ATP6V1A: variants seen among roughly 807,000 people sequenced by gnomAD.
ATP6V1A encodes ATPase H+ transporting V1 subunit A.
In ATP6V1A, 18 loss-of-function variants were observed where a neutral mutation model predicts 70.1. The observed-to-expected ratio is 0.26, with a 90% CI of 0.18 to 0.38. The LOEUF (loss-of-function observed/expected upper bound fraction) is 0.38. Among genes scored for constraint, ATP6V1A ranks in the 10% least tolerant of loss-of-function variants. The pLI, the probability that ATP6V1A is intolerant of heterozygous loss-of-function variation, is 1.00. For missense variants in ATP6V1A, 424 were observed against 772.4 expected, an observed-to-expected ratio of 0.55 and a Z score of 5.35; for synonymous variants, 232 against 253.8, an observed-to-expected ratio of 0.91 and a Z score of 0.82.
intron 1 of ATP6V1A, among the ~76,000 whole-genome samples, chr3:113,761,370 GA>G (rs1178523159): frequency 6.6e-6 from 1 of 151,108 alleles, no homozygotes; most frequent in Non-Finnish European, 1.5e-5. Flanking sequence ...AGCTGCTCAT[GA>G]TTTTTTTTTT....
At chr3:113,785,648 A>G (rs1709030765) in intron 5 of ATP6V1A, among the ~76,000 whole-genome samples, 1 of 149,230 alleles carries the variant, frequency 6.7e-6, no homozygotes, top group African/African-American at 2.5e-5. Context: ...ACCTGGGACC[A>G]CGGGCACATG....
At chr3:113,784,082 C>T (rs1394829423) in intron 3 of ATP6V1A, 142 bp from the exon 4 acceptor site, 3 of 717,564 alleles carry the variant, frequency 4.2e-6, no homozygotes, top group Non-Finnish European at 2.3e-6. Context: ...TTACTGAAAA[C>T]ACTATGAATC....
intron 1 of ATP6V1A, among the ~76,000 whole-genome samples, chr3:113,759,225 A>G (rs917984212): frequency 4.7e-5 from 7 of 148,152 alleles, no homozygotes; most frequent in African/African-American, 1.7e-4. Flanking sequence ...AGGAAGTTTT[A>G]TAGTTTTAGG....
At chr3:113,772,803 T>C (rs1004707102) in intron 1 of ATP6V1A, among the ~76,000 whole-genome samples, 3 of 151,924 alleles carry the variant, frequency 2.0e-5, no homozygotes, top group Non-Finnish European at 4.4e-5. Flanking sequence ...ATAATTATTA[T>C]GAAAGATGTG....
chr3:113,804,216 C>A (rs1709250658), intron 13 of ATP6V1A, among the ~76,000 whole-genome samples: 1 of 151,656 alleles, frequency 6.6e-6, no homozygotes, highest in South Asian at 2.1e-4. Flanking sequence ...TGGTCTCCAA[C>A]TCCTGGGCTC....
At chr3:113,762,383 A>G (rs1708714220) in intron 1 of ATP6V1A, among the ~76,000 whole-genome samples, 1 of 152,180 alleles carries the variant, frequency 6.6e-6, no homozygotes, top group African/African-American at 2.4e-5. Context: ...AGCCTGGCCA[A>G]CTTGGAGAAA....
At chr3:113,795,981 CCT>C in intron 11 of ATP6V1A, 42 bp downstream of exon 11, 1 of 1,497,460 alleles carries the variant, frequency 6.7e-7, no homozygotes, top group Non-Finnish European at 9.2e-7. Flanking sequence ...AGCCTTTCCT[CCT>C]CTCTGCAGCC....
chr3:113,786,311 G>A lies in ATP6V1A; in HGVS notation c.644G>A (p.Arg215Gln). The A allele has an allele frequency of 6.2e-7, 1 of 1,613,292 alleles. No individual in the cohort carries two copies. The highest frequency in any genetic ancestry group is 1.1e-5 in the South Asian group (1 of 90,998). The change falls in exon 6 of 15, where the codon CGA becomes CAA. Residue 215 changes from arginine (R) to glutamine (Q), a missense_variant. By Grantham distance (43) the Arg-to-Gln change is conservative. Transcript: ENST00000273398. ...MVQVWPVRQV[R>Q]PVTEKLPANH... ...CAAGTATGGCCTGTACGTCAAGTTCGACCTGTCACTGAGAAGCTGCCAGCC... is the reference window on the plus strand; with the variant it reads ...CAAGTATGGCCTGTACGTCAAGTTCAACCTGTCACTGAGAAGCTGCCAGCC...
intron 14 of ATP6V1A, among the ~76,000 whole-genome samples, chr3:113,807,332 A>C (rs1709287175): frequency 6.6e-6 from 1 of 151,204 alleles, no homozygotes; most frequent in Admixed American, 6.6e-5. Context: ...AGGTGCATTC[A>C]CCACACCCAG....
chr3:113,796,024 G>A (rs1339938874), intron 11 of ATP6V1A, 85 bp downstream of exon 11: 26 of 1,185,096 alleles, frequency 2.2e-5, no homozygotes, highest in Middle Eastern at 2.0e-4. Context: ...TAATGTAATC[G>A]TTGTGAAGTA....
intron 5 of ATP6V1A, among the ~76,000 whole-genome samples, chr3:113,785,044 AC>A (rs1553709904): frequency 8.5e-5 from 13 of 152,268 alleles, no homozygotes; most frequent in Non-Finnish European, 1.5e-5. Context: ...AAGAAATGTA[AC>A]AGTTTTCTAC....
chr3:113,797,263 T>C (rs964478943), intron 11 of ATP6V1A, among the ~76,000 whole-genome samples: 1 of 146,816 alleles, frequency 6.8e-6, no homozygotes, highest in East Asian at 2.1e-4. Flanking sequence ...AAAATTTTTT[T>C]TTTTTTGAGA....
chr3:113,769,586 T>C (rs1559752038), intron 1 of ATP6V1A, among the ~76,000 whole-genome samples: 1 of 152,186 alleles, frequency 6.6e-6, no homozygotes, highest in South Asian at 2.1e-4. Context: ...TCCAAGACTT[T>C]GGTAATAAAA....
intron 1 of ATP6V1A, among the ~76,000 whole-genome samples, chr3:113,756,509 A>G (rs1192572645): frequency 6.6e-6 from 1 of 152,114 alleles, no homozygotes; most frequent in Non-Finnish European, 1.5e-5. Context: ...GGTCTTTGGA[A>G]GGTGTGCTTT....
At chr3:113,767,148 G>A (rs1708781523) in intron 1 of ATP6V1A, among the ~76,000 whole-genome samples, 1 of 143,432 alleles carries the variant, frequency 7.0e-6, no homozygotes, top group South Asian at 2.2e-4. Flanking sequence ...CTAGAGTGCA[G>A]TGGCGTGATC....
In ATP6V1A at chr3:113,778,782, T is replaced by C; in HGVS notation, c.29T>C (p.Leu10Pro). ...GATTTTTCCAAGCTACCCAAAATACTCGATGAAGATAAAGAAAGCACATTT... is the reference window on the plus strand; with the variant it reads ...GATTTTTCCAAGCTACCCAAAATACCCGATGAAGATAAAGAAAGCACATTT... Reference protein sequence around the residue: MDFSKLPKILDEDKESTFGY... With the variant: MDFSKLPKIPDEDKESTFGY... Residue 10 changes from leucine (L) to proline (P), a missense_variant, in exon 2 of 15, where the codon CTC becomes CCC. This residue lies in a region of ATP6V1A where 21 missense variants were observed against 20.4 expected (regional missense o/e 1.03). Coordinates refer to ENST00000273398, the MANE Select transcript of ATP6V1A (RefSeq NM_001690.4). The C allele has an allele frequency of 6.3e-7, 1 of 1,595,312 alleles. No individual in the cohort carries two copies. Among genetic ancestry groups the C allele is most frequent in the Non-Finnish European group, 8.5e-7 (1 of 1,171,226 alleles).
At chr3:113,775,590 T>A (rs1708902227) in intron 1 of ATP6V1A, among the ~76,000 whole-genome samples, 1 of 152,140 alleles carries the variant, frequency 6.6e-6, no homozygotes, top group African/African-American at 2.4e-5. Context: ...GGTGGTAGCA[T>A]TATTACTGTT....
chr3:113,802,971 T>C (rs1251428121), intron 12 of ATP6V1A: 1 of 152,486 alleles, frequency 6.6e-6, no homozygotes, highest in Non-Finnish European at 1.5e-5. Flanking sequence ...ACCCATATTC[T>C]TAGCAGCACT....
At chr3:113,769,876 G>A (rs1708814856) in intron 1 of ATP6V1A, among the ~76,000 whole-genome samples, 1 of 152,130 alleles carries the variant, frequency 6.6e-6, no homozygotes. Flanking sequence ...AAGAATCTTA[G>A]TTGTAAGTTG....
Sources: gnomAD v4.1 joint callset for allele counts (sites outside exome capture counted in the v4.1 genomes callset) on GRCh38, gnomAD v4.1.1 for gene constraint, gnomAD v4.1.1 regional missense constraint, MANE v1.5 for transcripts, NCBI Gene and HGNC (gene_info 2026-07-23, HGNC 2026-07-21) for gene names.